Variants in NCAM1 observed in about 807,000 individuals in gnomAD.
The protein encoded by NCAM1 is neural cell adhesion molecule 1, also known as antigen recognized by monoclonal antibody 5.1H11.
Under a neutral mutation model 109.8 loss-of-function variants are expected in NCAM1, and 14 were observed. That is an observed-to-expected ratio of 0.13 (90% confidence interval 0.08 to 0.20). NCAM1 has a LOEUF of 0.20. Among genes scored for constraint, NCAM1 ranks in the 10% least tolerant of loss-of-function variants. NCAM1 has a pLI of 1.00. For missense variants in NCAM1, 774 were observed against 1,109.9 expected (o/e 0.70, Z 4.30); for synonymous variants, 418 against 442.9 (o/e 0.94, Z 0.70).
chr11:113,195,728 G>A (rs950496254), intron 1 of NCAM1, among the ~76,000 whole-genome samples: 1 of 151,744 alleles, frequency 6.6e-6, no homozygotes, highest in East Asian at 1.9e-4. Context: ...GGATGGTCTC[G>A]ATCTCCTGAC....
At chr11:113,132,692 G>A (rs1157202735) in intron 1 of NCAM1, among the ~76,000 whole-genome samples, 2 of 151,732 alleles carry the variant, frequency 1.3e-5, no homozygotes, top group African/African-American at 2.4e-5. Flanking sequence ...GAGAGAGCGT[G>A]TTTAGGAACC....
At chr11:113,035,516 C>T (rs1952846661) in intron 1 of NCAM1, among the ~76,000 whole-genome samples, 1 of 152,160 alleles carries the variant, frequency 6.6e-6, no homozygotes. Context: ...TTAAATTATG[C>T]TCAGCCTACT....
chr11:113,122,861 A>C (rs944550065), intron 1 of NCAM1, among the ~76,000 whole-genome samples: 5 of 152,298 alleles, frequency 3.3e-5, no homozygotes, highest in African/African-American at 9.6e-5. Flanking sequence ...TGTAAATCTC[A>C]TCTTTTCCAT....
At chr11:112,978,635 C>A (rs1951070253) in intron 1 of NCAM1, among the ~76,000 whole-genome samples, 1 of 151,856 alleles carries the variant, frequency 6.6e-6, no homozygotes, top group Admixed American at 6.6e-5. Context: ...TTAGCCAGTA[C>A]AGTTTCCAAA....
At chr11:112,980,117 G>T (rs952542749) in intron 1 of NCAM1, among the ~76,000 whole-genome samples, 1 of 151,820 alleles carries the variant, frequency 6.6e-6, no homozygotes, top group Admixed American at 6.6e-5. Context: ...GCCATCAGGG[G>T]AAATGTAAAT....
chr11:113,201,405 CAGA>C (rs1448292641), intron 1 of NCAM1, among the ~76,000 whole-genome samples: 3 of 152,178 alleles, frequency 2.0e-5, no homozygotes, highest in Non-Finnish European at 4.4e-5. Flanking sequence ...TCCTGTTGGC[CAGA>C]AGAAGCCCCA....
chr11:113,064,728 A>C (rs1485204896), intron 1 of NCAM1, among the ~76,000 whole-genome samples: 2 of 152,206 alleles, frequency 1.3e-5, no homozygotes, highest in African/African-American at 4.8e-5. Flanking sequence ...ATTCTCATGG[A>C]TCACCCAGTG....
At chr11:113,253,990 G>C (rs1945769165) in intron 15 of NCAM1, among the ~76,000 whole-genome samples, 1 of 152,188 alleles carries the variant, frequency 6.6e-6, no homozygotes, top group South Asian at 2.1e-4. Flanking sequence ...AATACAATTT[G>C]TAAAGTTCTC....
rs186765620 is a variant in NCAM1, at chr11:112,972,571, T to G, written c.52+10907T>G. Among the ~76,000 whole-genome samples the G allele has an allele frequency of 5.9e-5, 9 of 152,290 alleles. 1 individual carries two copies. The highest frequency in any genetic ancestry group is 2.2e-4 in the African/African-American group (9 of 41,574). ...GTTAAAAAACGTCTTTCACTCACCC[T>G]GTAATCAAGACTGGAAGACGGTAAA... On this transcript the variant is annotated intron_variant, in intron 1 of 19. Transcript: ENST00000316851.
At chr11:113,208,773 A>G (rs1555113291) in intron 7 of NCAM1, among the ~76,000 whole-genome samples, 2 of 151,994 alleles carry the variant, frequency 1.3e-5, no homozygotes, top group Non-Finnish European at 2.9e-5. Flanking sequence ...TCCTACCTCT[A>G]CTAGTGTGTA....
chr11:113,232,684 A>C (rs1449039628), intron 11 of NCAM1, 34 bp from the exon 12 acceptor site: 24 of 1,513,316 alleles, frequency 1.6e-5, no homozygotes, highest in Non-Finnish European at 2.0e-5. Context: ...ATCCCATAGG[A>C]CACTTGTAAC....
rs557484381 is a variant in NCAM1 at position 113,251,734 on chromosome 11, AC to A, written c.1829-4142del. Among the ~76,000 whole-genome samples the A allele has an allele frequency of 5.3e-5, 8 of 152,300 alleles. No homozygotes were observed. In the East Asian group the frequency reaches 1.5e-3, roughly 29 times the overall value. The stretch of plus-strand genomic sequence containing the variant: ...GCTGCTGAATCGCAAACCAACATTT[AC>A]AAATAATTACAATAATGGTTTTACT... On this transcript the variant is annotated intron_variant, in intron 15 of 19. Transcript: ENST00000316851.
At chr11:113,102,858 T>C (rs1939936220) in intron 1 of NCAM1, among the ~76,000 whole-genome samples, 1 of 152,198 alleles carries the variant, frequency 6.6e-6, no homozygotes, top group South Asian at 2.1e-4. Flanking sequence ...TAATTCTCAT[T>C]CCAGACTTTG....
intron 1 of NCAM1, among the ~76,000 whole-genome samples, chr11:113,137,901 A>G (rs559197791): frequency 2.0e-5 from 3 of 152,222 alleles, no homozygotes; most frequent in Non-Finnish European, 4.4e-5. Flanking sequence ...GGAAAAAGCA[A>G]CAAAGGCGAC....
At chr11:113,121,559 G>T in intron 1 of NCAM1, among the ~76,000 whole-genome samples, 1 of 65,388 alleles carries the variant, frequency 1.5e-5, no homozygotes, top group East Asian at 3.1e-4. Flanking sequence ...AAAAAAAAAA[G>T]GCACTGTACT....
intron 9 of NCAM1, among the ~76,000 whole-genome samples, chr11:113,227,035 G>C (rs1371249027): frequency 3.3e-5 from 5 of 152,136 alleles, no homozygotes; most frequent in African/African-American, 1.2e-4. Context: ...AGAAGCAAGA[G>C]CAAACACATT....
chr11:113,141,928 G>A (rs953055413), intron 1 of NCAM1, among the ~76,000 whole-genome samples: 5 of 152,206 alleles, frequency 3.3e-5, no homozygotes, highest in South Asian at 2.1e-4. Context: ...GAACAATTGC[G>A]ACCTCTTTCT....
At chr11:113,124,838 C>A (rs868931832) in intron 1 of NCAM1, among the ~76,000 whole-genome samples, 1 of 152,158 alleles carries the variant, frequency 6.6e-6, no homozygotes, top group Admixed American at 6.5e-5. Context: ...GAGCTTGAAT[C>A]GACACTTCTG....
chr11:113,207,119 A>G lies in NCAM1; in HGVS notation c.629-142A>G, dbSNP rs1175849051. On this transcript the variant is annotated intron_variant, in intron 5 of 19. Coordinates refer to ENST00000316851, the MANE Select transcript of NCAM1 (RefSeq NM_181351.5). Reference sequence around the variant, plus strand: ...TTATTTAGTACATACATGAATTTCAATTCCTGACACTAACTCTGTAGCTGC... The same window carrying G: ...TTATTTAGTACATACATGAATTTCAGTTCCTGACACTAACTCTGTAGCTGC... 69 of 618,400 alleles carry G rather than the reference A, an allele frequency of 1.1e-4. No homozygotes were observed. The Admixed American group carries it at 1.6e-3, about 14-fold the overall frequency. 38.3% of individuals were successfully genotyped at this position (618,400 alleles called of 1,614,324 possible). A position where few individuals can be genotyped will look rare whatever the true frequency, so the allele number is the denominator to read the frequency against.
Sources: allele counts gnomAD v4.1 joint callset (sites outside exome capture counted in the v4.1 genomes callset), GRCh38; gene constraint gnomAD v4.1.1; transcripts MANE v1.5; gene names NCBI Gene and HGNC (gene_info 2026-07-23, HGNC 2026-07-21).